The following DSCAML1 variants were observed in gnomAD, a reference collection of about 807,000 sequenced individuals.
DSCAML1 encodes the protein DS cell adhesion molecule like 1.
A neutral mutation model predicts 200.5 loss-of-function variants in DSCAML1; 38 were observed. The observed-to-expected ratio is 0.19, with a 90% CI of 0.15 to 0.25. DSCAML1 has a LOEUF of 0.25. Ranked by LOEUF, DSCAML1 falls within the 10% of genes least tolerant of loss-of-function variation. DSCAML1 has a pLI of 1.00. For synonymous variants in DSCAML1, 1,215 were observed against 1,165.0 expected, an observed-to-expected ratio of 1.04 and a Z score of -0.87; for missense variants, 2,223 against 2,858.8, an observed-to-expected ratio of 0.78 and a Z score of 5.07.
intron 3 of DSCAML1, among the ~76,000 whole-genome samples, chr11:117,723,715 T>C (rs1293408587): frequency 6.6e-6 from 1 of 152,162 alleles, no homozygotes; most frequent in Non-Finnish European, 1.5e-5. Context: ...TAAAATGACA[T>C]TTGCCTTTCT....
At position 117,480,475 on chromosome 11, in the gene DSCAML1, G is replaced by C; in HGVS notation, c.2753C>G (p.Thr918Arg). 1 of 1,613,488 alleles carries C rather than the reference G, an allele frequency of 6.2e-7. No individual in the cohort carries two copies. The highest frequency in any genetic ancestry group is 1.3e-5 in the African/African-American group (1 of 75,030). Residue 918 changes from threonine to arginine, a missense_variant, in exon 14 of 33, where the codon ACG (threonine) becomes AGG (arginine). By Grantham distance (71) the Thr-to-Arg change is moderately conservative. Around this residue, in one of 7 missense-constraint regions of DSCAML1, gnomAD observed 438 missense variants for 629.7 expected, o/e 0.70. Coordinates refer to ENST00000651296, the MANE Select transcript of DSCAML1 (RefSeq NM_020693.4). This position sits in a 1 kb window ranked among gnomAD's most constrained non-coding sequence, Gnocchi z 4.1. ...GTTCTTGTATTCAATGTCGAAGCCC[G>C]TGATGATGCTGTTCCCGTCGAATCG... ...TQRFDGNSIITGFDIEYKNKS... is the reference protein window; with the variant it reads ...TQRFDGNSIIRGFDIEYKNKS...
intron 19 of DSCAML1, among the ~76,000 whole-genome samples, chr11:117,452,719 A>C (rs867590359): frequency 2.0e-5 from 3 of 152,254 alleles, no homozygotes; most frequent in Middle Eastern, 3.4e-3. Flanking sequence ...TAATTAAGTC[A>C]AATAAAAAAT....
At chr11:117,623,211 C>G (rs796073922) in intron 3 of DSCAML1, among the ~76,000 whole-genome samples, 1 of 101,998 alleles carries the variant, frequency 9.8e-6, no homozygotes, top group Non-Finnish European at 2.0e-5. Context: ...TTTTTCTTTT[C>G]TTTTCTTTTT....
In DSCAML1 at chr11:117,437,686, C is replaced by T. The variant is rs150765359; in HGVS notation, c.4432+209G>A. On this transcript the variant is annotated intron_variant, in intron 25 of 32. Transcript: ENST00000651296. The surrounding 1 kb of genome is among the most constrained non-coding windows in gnomAD (Gnocchi z 5.3). ...CAAAGGAATGCCACCTTCGGCCACC[C>T]GGTGGGGAAGTGGAACTAGTTTTTC... is the stretch of plus-strand genomic sequence containing the variant. 6.1e-3 allele frequency among the ~76,000 whole-genome samples: 931 copies of T among 152,220 alleles called. 6 individuals are homozygous for T. The highest frequency in any genetic ancestry group is 0.013 in the South Asian group (65 of 4,822).
At position 117,451,466 on chromosome 11, in the gene DSCAML1, C is replaced by T. The variant is rs537207096; in HGVS notation, c.3569-778G>A. Among the ~76,000 whole-genome samples, 31 of 152,336 alleles carry T rather than the reference C, an allele frequency of 2.0e-4. No individual in the cohort carries two copies. The East Asian group carries it at 4.2e-3, about 21-fold the overall frequency. ...AATTTATTTTACCTCTCTGAGCCTC[C>T]GTTTCCCTATCTATACAATGGAGAT... On this transcript the variant is annotated intron_variant, in intron 19 of 32. Transcript: ENST00000651296.
intron 19 of DSCAML1, among the ~76,000 whole-genome samples, chr11:117,455,153 A>G (rs1004819813): frequency 6.6e-6 from 1 of 152,188 alleles, no homozygotes; most frequent in Non-Finnish European, 1.5e-5. Flanking sequence ...TAGTTTGTCC[A>G]TATTTCCTAG....
chr11:117,515,236 G>C (rs1247578235), intron 8 of DSCAML1, among the ~76,000 whole-genome samples: 1 of 152,158 alleles, frequency 6.6e-6, no homozygotes, highest in Non-Finnish European at 1.5e-5. Context: ...AGAGACATAA[G>C]CTCTTCAGCC....
rs146768948 is a variant in DSCAML1, at chr11:117,746,194, C to G, written c.511+30597G>C. The stretch of plus-strand genomic sequence containing the variant: ...CCCAGATCATGCAGCTGCACTCCAG[C>G]CTGGGCATCAGAGCGAGACTCTGTC... On this transcript the variant is annotated intron_variant, in intron 3 of 32. Transcript: ENST00000651296. 2.7e-3 allele frequency among the ~76,000 whole-genome samples: 313 copies of G among 114,906 alleles called. 2 individuals are homozygous for G. Among genetic ancestry groups the G allele is most frequent in the Middle Eastern group, 0.02 (2 of 98 alleles). 75.4% of individuals were successfully genotyped at this position (114,906 alleles called of 152,430 possible).
intron 2 of DSCAML1, 136 bp from the exon 3 acceptor site, chr11:117,777,073 T>C: frequency 2.1e-6 from 2 of 935,132 alleles, no homozygotes; most frequent in Non-Finnish European, 3.2e-6. Context: ...TCCCCCATCC[T>C]GCTTAGCCAG....
chr11:117,526,652 G>T (rs2049983392), intron 4 of DSCAML1, among the ~76,000 whole-genome samples: 1 of 151,938 alleles, frequency 6.6e-6, no homozygotes, highest in Non-Finnish European at 1.5e-5. Flanking sequence ...CAAGAAGCTG[G>T]GATTACAGGT....
At chr11:117,630,726 A>G (rs2052156004) in intron 3 of DSCAML1, among the ~76,000 whole-genome samples, 1 of 151,754 alleles carries the variant, frequency 6.6e-6, no homozygotes, top group Non-Finnish European at 1.5e-5. Flanking sequence ...GTCTGAAAAC[A>G]GGAAGCCAAG....
chr11:117,757,713 C>T (rs1002696606), intron 3 of DSCAML1, among the ~76,000 whole-genome samples: 3 of 152,122 alleles, frequency 2.0e-5, no homozygotes, highest in African/African-American at 7.2e-5. Flanking sequence ...CATGATGGCT[C>T]ACACCTGTAA....
At chr11:117,798,697 G>C (rs142923838), upstream of DSCAML1, among the ~76,000 whole-genome samples, 1 of 152,126 alleles carries the variant, frequency 6.6e-6, no homozygotes, top group Non-Finnish European at 1.5e-5. Flanking sequence ...TCATAAGTGA[G>C]ATCATAAAGT....
chr11:117,779,046 T>C (rs1219410056), intron 2 of DSCAML1, among the ~76,000 whole-genome samples: 3 of 152,164 alleles, frequency 2.0e-5, no homozygotes, highest in African/African-American at 7.2e-5. Flanking sequence ...ATGAGAGGTG[T>C]ACCTAAGGGA....
chr11:117,605,830 T>G (rs1041729861), intron 3 of DSCAML1, among the ~76,000 whole-genome samples: 1 of 152,114 alleles, frequency 6.6e-6, no homozygotes, highest in Non-Finnish European at 1.5e-5. Context: ...CATGCCATTT[T>G]GGGTGTGGGG....
At chr11:117,562,036 C>A (rs1451227543) in intron 3 of DSCAML1, among the ~76,000 whole-genome samples, 1 of 152,126 alleles carries the variant, frequency 6.6e-6, no homozygotes, top group South Asian at 2.1e-4. Flanking sequence ...AGGGAGGAGG[C>A]GTAGACTCAC....
chr11:117,716,988 TCCCAGATGCAC>T (rs11267375), intron 3 of DSCAML1, among the ~76,000 whole-genome samples: 142,748 of 151,590 alleles, frequency 0.94, 67,455 homozygotes, highest in South Asian at 0.99. Flanking sequence ...GAAATTCCCA[TCCCAGATGCAC>T]CCCAGATGCA....
chr11:117,582,829 A>T (rs1286902562), intron 3 of DSCAML1, among the ~76,000 whole-genome samples: 1 of 152,310 alleles, frequency 6.6e-6, no homozygotes, highest in African/African-American at 2.4e-5. Flanking sequence ...AAGTAAATAA[A>T]GTTGAAGCAC....
intron 3 of DSCAML1, among the ~76,000 whole-genome samples, chr11:117,600,226 C>T (rs995949484): frequency 6.6e-6 from 1 of 152,192 alleles, no homozygotes; most frequent in Non-Finnish European, 1.5e-5. Flanking sequence ...TTCCTGGGGA[C>T]GGGCTGGGGC....
Sources: allele counts gnomAD v4.1 joint callset (sites outside exome capture counted in the v4.1 genomes callset), GRCh38; gene constraint gnomAD v4.1.1; regional missense constraint gnomAD v4.1.1; non-coding constraint Gnocchi (gnomAD v3.1); transcripts MANE v1.5; gene names NCBI Gene and HGNC (gene_info 2026-07-23, HGNC 2026-07-21).